The following GMPS variants were observed in gnomAD, a reference collection of about 807,000 sequenced individuals.
GMPS encodes the protein GMP synthase [glutamine-hydrolyzing].
In GMPS, 15 loss-of-function variants were observed where a neutral mutation model predicts 77.9. The observed-to-expected ratio is 0.19, with a 90% CI of 0.13 to 0.30. The LOEUF is 0.30. GMPS is among the 10% of genes least tolerant of loss of function. GMPS has a pLI of 1.00. For missense variants in GMPS, 590 were observed against 838.8 expected (o/e 0.70, Z 3.66); for synonymous variants, 224 against 275.9 (o/e 0.81, Z 1.86).
intron 7 of GMPS, among the ~76,000 whole-genome samples, chr3:155,912,595 A>G (rs1327236827): frequency 3.3e-5 from 5 of 152,224 alleles, no homozygotes; most frequent in Non-Finnish European, 7.3e-5. Context: ...AGTGGTATAT[A>G]TGTGATTTGC....
intron 2 of GMPS, among the ~76,000 whole-genome samples, chr3:155,895,074 G>A (rs938229014): frequency 4.6e-5 from 7 of 152,146 alleles, no homozygotes; most frequent in Admixed American, 3.3e-4. Context: ...TACTAGAATA[G>A]GATAGCTGAA....
intron 13 of GMPS, among the ~76,000 whole-genome samples, chr3:155,934,353 T>C (rs1389392226): frequency 6.6e-6 from 1 of 152,216 alleles, no homozygotes; most frequent in Non-Finnish European, 1.5e-5. Context: ...ATATTCTCTC[T>C]GAAGACTCTA....
intron 1 of GMPS, among the ~76,000 whole-genome samples, chr3:155,887,603 T>G (rs941156250): frequency 1.3e-5 from 2 of 152,208 alleles, no homozygotes; most frequent in Non-Finnish European, 2.9e-5. Flanking sequence ...CTTGATAGAT[T>G]ATGGAATTTT....
Position 155,937,718 on chromosome 3 carries a change from C to A in GMPS, c.*26C>A, listed in dbSNP as rs552940763. ...TAAACTTCTTGTTCTATTAAAGTAC[C>A]GTGTGCAGTTTAAATTGATTAGAAA... On this transcript the variant is annotated 3_prime_UTR_variant, in exon 16 of 16. Transcript: ENST00000496455. 26 of 945,396 alleles carry A rather than the reference C, an allele frequency of 2.8e-5. No individual in the cohort carries two copies. In the Admixed American group the frequency reaches 3.4e-4, roughly 12 times the overall value. The allele number at this position is 945,396 out of a possible 1,614,324, so 58.6% of individuals were successfully genotyped here. A position where few individuals can be genotyped will look rare whatever the true frequency, so the allele number is the denominator to read the frequency against.
Position 155,938,382 on chromosome 3 carries a change from A to G in GMPS, c.*690A>G, listed in dbSNP as rs1755810604. Reference sequence around the variant, plus strand: ...TCAAACCATGTTCCACATAGATGCCATGTTATTCAATGTCAGCTTGTTTAT... The same window carrying G: ...TCAAACCATGTTCCACATAGATGCCGTGTTATTCAATGTCAGCTTGTTTAT... On this transcript the variant is annotated 3_prime_UTR_variant, in exon 16 of 16. Coordinates refer to ENST00000496455, the MANE Select transcript of GMPS (RefSeq NM_003875.3). 1 of 214,754 alleles carries G rather than the reference A, an allele frequency of 4.7e-6. No individual in the cohort carries two copies. The highest frequency in any genetic ancestry group is 1.9e-4 in the South Asian group (1 of 5,394). The allele number at this position is 214,754 out of a possible 1,614,324, so 13.3% of individuals were successfully genotyped here.
At chr3:155,904,282 ATTTTTC>A (rs1309882091) in intron 4 of GMPS, among the ~76,000 whole-genome samples, 1 of 148,888 alleles carries the variant, frequency 6.7e-6, no homozygotes, top group Non-Finnish European at 1.5e-5. Flanking sequence ...AAAGATTATT[ATTTTTC>A]TTTTTCTTTT....
chr3:155,870,966 C>T, intron 1 of GMPS, 69 bp downstream of exon 1: 2 of 1,354,944 alleles, frequency 1.5e-6, no homozygotes, highest in Admixed American at 3.5e-5. Context: ...GGAGCCACCC[C>T]GCGAGGCCCT....
rs1002114545 is a variant in GMPS at position 155,870,879 on chromosome 3, G to A, written c.9G>A (p.Leu3=). Residue 3 remains leucine, a synonymous_variant, in exon 1 of 16, where the codon CTG becomes CTA. Transcript: ENST00000496455. ...CTCCGGCCCTGGCCCCGATGGCTCTGTGCAACGGAGACTCCAAGGTCAGCG... is the reference window on the plus strand; with the variant it reads ...CTCCGGCCCTGGCCCCGATGGCTCTATGCAACGGAGACTCCAAGGTCAGCG... MA[L]CNGDSKLENA... 7.3e-6 allele frequency: 11 copies of A among 1,507,346 alleles called. 1 individual carries two copies. In the African/African-American group the frequency reaches 1.4e-4, roughly 20 times the overall value. 93.4% of individuals were successfully genotyped at this position (1,507,346 alleles called of 1,614,324 possible).
chr3:155,921,678 G>A (rs1018066456), intron 10 of GMPS, among the ~76,000 whole-genome samples: 1 of 152,086 alleles, frequency 6.6e-6, no homozygotes, highest in African/African-American at 2.4e-5. Context: ...TGTAATCCAA[G>A]CTATTTAGGA....
At chr3:155,907,739 T>C (rs1754929427) in intron 5 of GMPS, among the ~76,000 whole-genome samples, 1 of 152,152 alleles carries the variant, frequency 6.6e-6, no homozygotes. Context: ...TTCTGGAATA[T>C]GTGTGATTAG....
chr3:155,876,198 C>G (rs1007302407), intron 1 of GMPS, among the ~76,000 whole-genome samples: 1 of 152,226 alleles, frequency 6.6e-6, no homozygotes, highest in South Asian at 2.1e-4. Context: ...TTATAATGGC[C>G]TCGAGGCTCC....
intron 1 of GMPS, among the ~76,000 whole-genome samples, chr3:155,891,899 C>A (rs1387455722): frequency 6.6e-6 from 1 of 152,156 alleles, no homozygotes; most frequent in East Asian, 1.9e-4. Flanking sequence ...AGCCACCATG[C>A]CTGAACGCTT....
At position 155,940,740 on chromosome 3, in the gene GMPS, G is replaced by GTTTTGTT. The variant is rs1755866795; in HGVS notation, c.*3052_*3053insGTTTTTT. The GTTTTGTT allele has an allele frequency of 5.8e-6, 1 of 171,724 alleles. No individual in the cohort carries two copies. Among genetic ancestry groups the GTTTTGTT allele is most frequent in the African/African-American group, 2.6e-5 (1 of 39,054 alleles). 10.6% of individuals were successfully genotyped at this position (171,724 alleles called of 1,614,324 possible). On this transcript the variant is annotated 3_prime_UTR_variant, in exon 16 of 16. Transcript: ENST00000496455. ...AGACAGAATGGAGAAGCTGGATAGT[G>GTTTTGTT]TTTTTTTTTTTTTTTTTTAAGGTTC...
intron 5 of GMPS, among the ~76,000 whole-genome samples, chr3:155,910,207 G>A (rs911077109): frequency 8.6e-5 from 13 of 151,570 alleles, no homozygotes; most frequent in Admixed American, 2.0e-4. Context: ...AGATCGCACC[G>A]CTGCACTCCA....
At chr3:155,894,356 TG>T (rs1754549658) in intron 2 of GMPS, among the ~76,000 whole-genome samples, 1 of 152,260 alleles carries the variant, frequency 6.6e-6, no homozygotes, top group African/African-American at 2.4e-5. Flanking sequence ...CTCGAGTAGC[TG>T]GAAGTACAGG....
At chr3:155,917,571 T>C (rs1181937331) in intron 9 of GMPS, among the ~76,000 whole-genome samples, 1 of 152,160 alleles carries the variant, frequency 6.6e-6, no homozygotes, top group African/African-American at 2.4e-5. Context: ...TGTGACAGAA[T>C]TTCCTTCTTT....
At chr3:155,887,920 A>G (rs1016839844) in intron 1 of GMPS, among the ~76,000 whole-genome samples, 3 of 152,208 alleles carry the variant, frequency 2.0e-5, no homozygotes. Context: ...TAAAAAATTT[A>G]AAAATAAAAA....
intron 4 of GMPS, among the ~76,000 whole-genome samples, chr3:155,904,947 C>G (rs1170306822): frequency 6.6e-5 from 10 of 152,000 alleles, no homozygotes; most frequent in African/African-American, 2.4e-4. Flanking sequence ...CATTAATGTA[C>G]TTTATCTTCT....
intron 13 of GMPS, among the ~76,000 whole-genome samples, chr3:155,933,928 T>C (rs1324662443): frequency 6.6e-6 from 1 of 152,198 alleles, no homozygotes; most frequent in Non-Finnish European, 1.5e-5. Context: ...ACTCAAGATA[T>C]TTGTGGTGTA....
Sources: gnomAD v4.1 joint callset for allele counts (sites outside exome capture counted in the v4.1 genomes callset) on GRCh38, gnomAD v4.1.1 for gene constraint, MANE v1.5 for transcripts, NCBI Gene and HGNC (gene_info 2026-07-23, HGNC 2026-07-21) for gene names.